Variants in CAB39 observed in about 807,000 individuals in gnomAD.
CAB39 encodes calcium-binding protein 39.
CAB39 carries 8 observed loss-of-function variants against 40.0 expected under a neutral mutation model. That is an observed-to-expected ratio of 0.20 (90% CI 0.12 to 0.36). The LOEUF is 0.36. Among genes scored for constraint, CAB39 ranks in the 10% least tolerant of loss-of-function variants. CAB39 has a pLI of 1.00. For synonymous variants in CAB39, 156 were observed against 141.6 expected (o/e 1.10, Z -0.72); for missense variants, 270 against 401.1 (o/e 0.67, Z 2.79).
intron 2 of CAB39, among the ~76,000 whole-genome samples, chr2:230,772,553 C>T (rs564604853): frequency 7.3e-5 from 11 of 150,960 alleles, no homozygotes; most frequent in African/African-American, 9.8e-5. Context: ...GGCACAGTCT[C>T]GGCTCACTGC....
In CAB39 at chr2:230,728,239, A is replaced by AAAATAAATAAATAAAT. The variant is rs78505542; in HGVS notation, c.-44+15021_-44+15036dup. On this transcript the variant is annotated intron_variant, in intron 1 of 8. Transcript: ENST00000258418. ...GGCGATAGAGTGAGACTCCGTCTCA[A>AAAATAAATAAATAAAT]AAATAAATAAATAAATAAATAAATA... 3.2e-3 allele frequency among the ~76,000 whole-genome samples: 487 copies of AAAATAAATAAATAAAT among 151,922 alleles called. 2 individuals are homozygous for AAAATAAATAAATAAAT. The highest frequency in any genetic ancestry group is 0.011 in the African/African-American group (459 of 41,470).
intron 2 of CAB39, among the ~76,000 whole-genome samples, chr2:230,784,853 G>T (rs1695760804): frequency 6.6e-6 from 1 of 152,220 alleles, no homozygotes; most frequent in Admixed American, 6.5e-5. Flanking sequence ...AGGAGACAGA[G>T]TTATTTATAA....
In CAB39 at chr2:230,801,485, G is replaced by A. The variant is rs1034982884; in HGVS notation, c.567+2588G>A. ...TTTCCTTTGAGAATGTGGCAAGAGC[G>A]CCCTCCCAGAAAACGTGCTCTGCAC... On this transcript the variant is annotated intron_variant, in intron 5 of 8. Coordinates refer to ENST00000258418, the MANE Select transcript of CAB39 (RefSeq NM_016289.4). 2.0e-5 allele frequency among the ~76,000 whole-genome samples: 3 copies of A among 152,124 alleles called. No homozygotes were observed. In the East Asian group the frequency reaches 5.8e-4, roughly 29 times the overall value.
At chr2:230,813,294 C>A (rs1233738452) in intron 6 of CAB39, among the ~76,000 whole-genome samples, 2 of 152,186 alleles carry the variant, frequency 1.3e-5, no homozygotes, top group Non-Finnish European at 2.9e-5. Context: ...CCTTCACCAT[C>A]CAGCAGTGCC....
At chr2:230,762,210 T>C (rs1695307967) in intron 2 of CAB39, among the ~76,000 whole-genome samples, 1 of 152,070 alleles carries the variant, frequency 6.6e-6, no homozygotes, top group Non-Finnish European at 1.5e-5. Context: ...GCCCAGCTGG[T>C]AAGTGGTATT....
chr2:230,791,983 G>C (rs915467872), intron 3 of CAB39, among the ~76,000 whole-genome samples: 1 of 152,132 alleles, frequency 6.6e-6, no homozygotes, highest in African/African-American at 2.4e-5. Flanking sequence ...TGTCTGTACA[G>C]GTGCTTGAAA....
chr2:230,734,039 C>T (rs1575908050), intron 1 of CAB39, among the ~76,000 whole-genome samples: 1 of 152,200 alleles, frequency 6.6e-6, no homozygotes. Flanking sequence ...CATTGCCACT[C>T]GCAGCCCGCA....
At chr2:230,764,807 T>C (rs753961602) in intron 2 of CAB39, among the ~76,000 whole-genome samples, 9 of 152,246 alleles carry the variant, frequency 5.9e-5, no homozygotes, top group South Asian at 2.1e-4. Flanking sequence ...GTTGAACTTA[T>C]AGCTGAAATA....
chr2:230,767,427 G>A (rs531068524), intron 2 of CAB39, among the ~76,000 whole-genome samples: 1 of 152,276 alleles, frequency 6.6e-6, no homozygotes, highest in African/African-American at 2.4e-5. Context: ...CCTGCTCACT[G>A]CTTCACTGGT....
At chr2:230,790,815 T>C in intron 2 of CAB39, 57 bp from the exon 3 acceptor site, 1 of 1,438,442 alleles carries the variant, frequency 7.0e-7, no homozygotes, top group African/African-American at 1.4e-5. Flanking sequence ...ACGTGTTATA[T>C]GTTTGTTAAA....
chr2:230,732,408 A>G (rs1694710210), intron 1 of CAB39, among the ~76,000 whole-genome samples: 2 of 152,084 alleles, frequency 1.3e-5, no homozygotes, highest in African/African-American at 4.8e-5. Context: ...AGGAGAACTC[A>G]GTTTCAGGTT....
chr2:230,754,377 T>TCC (rs879709537), intron 1 of CAB39, among the ~76,000 whole-genome samples: 10,395 of 136,752 alleles, frequency 0.076, 850 homozygotes, highest in Non-Finnish European at 0.1. Flanking sequence ...CCTTCTGCCT[T>TCC]CCTCTTCCCC....
Position 230,790,254 on chromosome 2 carries a change from A to AG in CAB39, c.115-618_115-617insG, listed in dbSNP as rs1194990885. 5.9e-5 allele frequency among the ~76,000 whole-genome samples: 9 copies of AG among 151,838 alleles called. 1 individual carries two copies. Among genetic ancestry groups the AG allele is most frequent in the South Asian group, 4.2e-4 (2 of 4,796 alleles). ...CGAGACCCTGTCTCAAAAAAAAAAA[A>AG]TGTCGTTTTATGTATCTTATCCTAC... On this transcript the variant is annotated intron_variant, in intron 2 of 8. Coordinates refer to ENST00000258418, the MANE Select transcript of CAB39 (RefSeq NM_016289.4).
At chr2:230,782,161 C>T (rs1025426221) in intron 2 of CAB39, among the ~76,000 whole-genome samples, 6 of 152,196 alleles carry the variant, frequency 3.9e-5, no homozygotes, top group Non-Finnish European at 5.9e-5. Context: ...CCACCACTCC[C>T]GGCCACAACC....
rs186566399 is a variant in CAB39 at position 230,814,138 on chromosome 2, C to T, written c.693+24C>T. On this transcript the variant is annotated intron_variant, in intron 7 of 8. Transcript: ENST00000258418. ...AGGTATGACAGACCATTTTGTATAG[C>T]TTATTTCTCTGTACCTTGTGTTTGA... The T allele has an allele frequency of 3.4e-3, 3,901 of 1,160,646 alleles. 14 individuals carry two copies. Among genetic ancestry groups the T allele is most frequent in the Non-Finnish European group, 4.3e-3 (3,398 of 793,936 alleles). The allele number at this position is 1,160,646 out of a possible 1,614,324, so 71.9% of individuals were successfully genotyped here.
intron 2 of CAB39, among the ~76,000 whole-genome samples, chr2:230,771,850 G>A (rs1695487974): frequency 6.6e-6 from 1 of 152,160 alleles, no homozygotes; most frequent in Non-Finnish European, 1.5e-5. Flanking sequence ...GCAGAAAGAA[G>A]GTAGTTGTTT....
At chr2:230,746,258 C>T (rs955085728) in intron 1 of CAB39, among the ~76,000 whole-genome samples, 9 of 152,110 alleles carry the variant, frequency 5.9e-5, no homozygotes, top group East Asian at 3.9e-4. Flanking sequence ...TAAAGATATA[C>T]AGGAATTAGT....
rs560579475 is a variant in CAB39, at chr2:230,731,235, C to A, written c.-44+18005C>A. Among the ~76,000 whole-genome samples the A allele has an allele frequency of 8.5e-5, 13 of 152,252 alleles. No homozygotes were observed. The East Asian group carries it at 2.5e-3, about 29-fold the overall frequency. On this transcript the variant is annotated intron_variant, in intron 1 of 8. Transcript: ENST00000258418. Reference sequence around the variant, plus strand: ...TGGGGGGTGCTATTAGAGATTTTAACAAGTAGTAATGCTTAATGCAAGTAG... The same window carrying A: ...TGGGGGGTGCTATTAGAGATTTTAAAAAGTAGTAATGCTTAATGCAAGTAG...
At chr2:230,784,365 G>T (rs148009154) in intron 2 of CAB39, among the ~76,000 whole-genome samples, 2 of 152,304 alleles carry the variant, frequency 1.3e-5, no homozygotes, top group East Asian at 3.9e-4. Flanking sequence ...CTGCCCAGTG[G>T]TACTGATAAG....
Sources: allele counts gnomAD v4.1 joint callset (sites outside exome capture counted in the v4.1 genomes callset), GRCh38; gene constraint gnomAD v4.1.1; transcripts MANE v1.5; gene names NCBI Gene and HGNC (gene_info 2026-07-23, HGNC 2026-07-21).